PEAK1: variants seen among roughly 807,000 people sequenced by gnomAD.
PEAK1 encodes inactive tyrosine-protein kinase PEAK1.
A neutral mutation model predicts 124.7 loss-of-function variants in PEAK1; 54 were observed. That is an observed-to-expected ratio of 0.43 (90% CI 0.35 to 0.54). The LOEUF is 0.54. Ranked by LOEUF, PEAK1 falls within the 20% of genes least tolerant of loss-of-function variation. The probability of loss-of-function intolerance (pLI) is 0.01; values close to 1 mark genes in which losing one functional copy is unlikely to be tolerated. For missense variants in PEAK1, 2,046 were observed against 2,134.5 expected (o/e 0.96, Z 0.82); for synonymous variants, 719 against 760.0 (o/e 0.95, Z 0.89).
intron 6 of PEAK1, among the ~76,000 whole-genome samples, chr15:77,244,792 T>C (rs903546837): frequency 1.8e-4 from 27 of 152,030 alleles, no homozygotes; most frequent in African/African-American, 6.3e-4. Context: ...TTTCACCACA[T>C]TGGGCAGGCT....
intron 1 of PEAK1, among the ~76,000 whole-genome samples, chr15:77,405,086 A>T (rs996755420): frequency 6.6e-6 from 1 of 151,646 alleles, no homozygotes; most frequent in African/African-American, 2.4e-5. Flanking sequence ...GCTCACTGCA[A>T]CCTCCGCCTC....
At chr15:77,330,939 C>A (rs2065856239) in intron 2 of PEAK1, 2 of 761,954 alleles carry the variant, frequency 2.6e-6, no homozygotes, top group Non-Finnish European at 3.2e-6. Context: ...CAAAACAATT[C>A]CTGGGATACA....
At chr15:77,214,914 T>C (rs546756056) in intron 6 of PEAK1, among the ~76,000 whole-genome samples, 9 of 152,244 alleles carry the variant, frequency 5.9e-5, no homozygotes, top group African/African-American at 1.9e-4. Flanking sequence ...ACACTGGGAA[T>C]TACAATTCGA....
At chr15:77,336,218 A>G (rs2066189045) in intron 2 of PEAK1, 1 of 985,290 alleles carries the variant, frequency 1.0e-6, no homozygotes, top group African/African-American at 1.7e-5. Context: ...AGCCTCATTC[A>G]TGTTTGCATT....
chr15:77,217,678 C>A (rs1457013954), intron 6 of PEAK1, among the ~76,000 whole-genome samples: 2 of 151,934 alleles, frequency 1.3e-5, no homozygotes, highest in African/African-American at 4.8e-5. Flanking sequence ...TAAAATATAC[C>A]GCATTGATGT....
intron 5 of PEAK1, chr15:77,278,435 G>A (rs938195392): frequency 7.5e-5 from 31 of 414,772 alleles, no homozygotes; most frequent in African/African-American, 5.0e-4. Context: ...CCCACATAAC[G>A]CACCTATGTC....
intron 2 of PEAK1, among the ~76,000 whole-genome samples, chr15:77,324,329 A>G (rs992715702): frequency 6.6e-6 from 1 of 151,976 alleles, no homozygotes; most frequent in Non-Finnish European, 1.5e-5. Context: ...AAAATACAAA[A>G]AATTAGCTGG....
intron 2 of PEAK1, among the ~76,000 whole-genome samples, chr15:77,295,550 CT>C (rs1191312586): frequency 1.3e-5 from 2 of 152,278 alleles, no homozygotes; most frequent in Non-Finnish European, 2.9e-5. Flanking sequence ...AGCAGAAACT[CT>C]TTTCCATGTA....
chr15:77,379,245 G>T (rs143425139), intron 1 of PEAK1, among the ~76,000 whole-genome samples: 1 of 152,270 alleles, frequency 6.6e-6, no homozygotes, highest in East Asian at 1.9e-4. Flanking sequence ...GATGTCCACA[G>T]CAAGACCTTC....
chr15:77,295,828 G>A (rs913686499), intron 2 of PEAK1, among the ~76,000 whole-genome samples: 7 of 152,110 alleles, frequency 4.6e-5, no homozygotes, highest in Admixed American at 3.3e-4. Flanking sequence ...GTTTATAAAC[G>A]AGGGGAGAAA....
chr15:77,224,573 T>A (rs1423059741), intron 6 of PEAK1, among the ~76,000 whole-genome samples: 2 of 152,002 alleles, frequency 1.3e-5, no homozygotes, highest in Non-Finnish European at 2.9e-5. Flanking sequence ...AACAAAGATA[T>A]TCAGTTCAGT....
chr15:77,250,949 T>C (rs1351459346), intron 6 of PEAK1, among the ~76,000 whole-genome samples: 1 of 152,230 alleles, frequency 6.6e-6, no homozygotes, highest in African/African-American at 2.4e-5. Context: ...TCCTGTCTCA[T>C]ATTTACCAAC....
chr15:77,377,851 G>A (rs1158966835), intron 1 of PEAK1, among the ~76,000 whole-genome samples: 1 of 152,006 alleles, frequency 6.6e-6, no homozygotes, highest in African/African-American at 2.4e-5. Flanking sequence ...CTCTTACCTG[G>A]TTAGTGCCTG....
At chr15:77,223,173 C>T (rs981024115) in intron 6 of PEAK1, among the ~76,000 whole-genome samples, 1 of 152,174 alleles carries the variant, frequency 6.6e-6, no homozygotes, top group Non-Finnish European at 1.5e-5. Context: ...ACAAGATATT[C>T]TAATGCATTT....
intron 5 of PEAK1, among the ~76,000 whole-genome samples, chr15:77,258,611 T>C (rs946579035): frequency 3.9e-5 from 6 of 152,190 alleles, no homozygotes; most frequent in Non-Finnish European, 7.3e-5. Context: ...GCTTATCAGC[T>C]TTAGGAGATT....
chr15:77,274,561 T>A (rs960989023), intron 5 of PEAK1, among the ~76,000 whole-genome samples: 1 of 152,036 alleles, frequency 6.6e-6, no homozygotes, highest in Non-Finnish European at 1.5e-5. Context: ...CACAATGAGA[T>A]ACTACCTTAC....
At chr15:77,373,114 T>C (rs1358329788) in intron 1 of PEAK1, among the ~76,000 whole-genome samples, 1 of 152,208 alleles carries the variant, frequency 6.6e-6, no homozygotes, top group African/African-American at 2.4e-5. Context: ...TCTTAATATG[T>C]ATTTATCCAA....
intron 2 of PEAK1, among the ~76,000 whole-genome samples, chr15:77,325,803 T>G (rs2065538072): frequency 6.6e-6 from 1 of 152,170 alleles, no homozygotes; most frequent in Non-Finnish European, 1.5e-5. Context: ...TTCTTATGCC[T>G]CTCCCTCTTA....
rs1195901035 is a variant in PEAK1, at chr15:77,191,571, T to TC, written c.-114-9532dup. On this transcript the variant is annotated intron_variant, in intron 6 of 9. Transcript: ENST00000682557. ...TATTGCTTCTACAGGGAAAACATAC[T>TC]CCAAGTTCTGAGCAAGTGACTTGCA... Among the ~76,000 whole-genome samples the TC allele has an allele frequency of 3.3e-5, 5 of 152,338 alleles. No homozygotes were observed. The East Asian group carries it at 9.6e-4, about 29-fold the overall frequency.
Sources: gnomAD v4.1 joint callset for allele counts (sites outside exome capture counted in the v4.1 genomes callset) on GRCh38, gnomAD v4.1.1 for gene constraint, MANE v1.5 for transcripts, NCBI Gene and HGNC (gene_info 2026-07-23, HGNC 2026-07-21) for gene names.